ADAMTSL1: variants seen among roughly 807,000 people sequenced by gnomAD.
ADAMTSL1 encodes the protein ADAMTS like 1, also known as ADAMTS-like protein 1.
ADAMTSL1 carries 126 observed loss-of-function variants against 201.8 expected under a neutral mutation model. The observed-to-expected ratio is 0.62, with a 90% CI of 0.54 to 0.72. The LOEUF (loss-of-function observed/expected upper bound fraction) is 0.72. Among genes scored for constraint, ADAMTSL1 ranks in the 30% least tolerant of loss-of-function variants. The pLI is 0.00. For missense variants in ADAMTSL1, 2,679 were observed against 2,277.8 expected (o/e 1.18, Z -3.59); for synonymous variants, 1,121 against 903.4 (o/e 1.24, Z -4.32).
At chr9:18,256,737 G>A (rs1041631878) in intron 2 of ADAMTSL1, among the ~76,000 whole-genome samples, 6 of 152,164 alleles carry the variant, frequency 3.9e-5, no homozygotes, top group African/African-American at 1.4e-4. Flanking sequence ...TGAACCAGAT[G>A]AGCCAGCGGT....
At chr9:17,937,835 T>A (rs1827078099) in intron 1 of ADAMTSL1, among the ~76,000 whole-genome samples, 1 of 152,098 alleles carries the variant, frequency 6.6e-6, no homozygotes, top group South Asian at 2.1e-4. Context: ...AACACATGGA[T>A]CTTGAGGTTT....
At chr9:18,131,670 A>G (rs1054455725) in intron 1 of ADAMTSL1, among the ~76,000 whole-genome samples, 2 of 151,916 alleles carry the variant, frequency 1.3e-5, no homozygotes, top group African/African-American at 4.8e-5. Flanking sequence ...TCTATAGAGG[A>G]TTTGTGACCT....
intron 1 of ADAMTSL1, among the ~76,000 whole-genome samples, chr9:18,040,124 C>T (rs984318982): frequency 6.6e-6 from 1 of 152,006 alleles, no homozygotes; most frequent in African/African-American, 2.4e-5. Flanking sequence ...AAAAATAAGC[C>T]AGGTTGAGTT....
intron 3 of ADAMTSL1, among the ~76,000 whole-genome samples, chr9:18,566,152 T>G (rs1016954572): frequency 1.3e-5 from 2 of 152,170 alleles, no homozygotes; most frequent in Admixed American, 1.3e-4. Context: ...AAATTTTTTT[T>G]GAAAGAAAGA....
chr9:18,729,491 C>G (rs1194255428), intron 15 of ADAMTSL1, among the ~76,000 whole-genome samples: 1 of 152,186 alleles, frequency 6.6e-6, no homozygotes, highest in South Asian at 2.1e-4. Context: ...AAGGATGGCT[C>G]AACATTGAAA....
At chr9:18,431,654 T>G (rs754858761) in intron 2 of ADAMTSL1, among the ~76,000 whole-genome samples, 6 of 152,092 alleles carry the variant, frequency 3.9e-5, no homozygotes, top group African/African-American at 1.4e-4. Context: ...TTTCCAGAAG[T>G]CTTCACCTTC....
chr9:18,194,020 G>A (rs1247727475), intron 2 of ADAMTSL1, among the ~76,000 whole-genome samples: 6 of 152,106 alleles, frequency 3.9e-5, no homozygotes, highest in Admixed American at 3.3e-4. Flanking sequence ...GCAGAAAAGA[G>A]CTATTGAATT....
intron 20 of ADAMTSL1, among the ~76,000 whole-genome samples, chr9:18,799,842 A>AT (rs1822670245): frequency 6.6e-6 from 1 of 152,218 alleles, no homozygotes; most frequent in African/African-American, 2.4e-5. Flanking sequence ...AAAGGCAATC[A>AT]TTTTTTAAAA....
chr9:18,074,959 GAAAT>G (rs2131746712), intron 1 of ADAMTSL1, among the ~76,000 whole-genome samples: 1 of 152,246 alleles, frequency 6.6e-6, no homozygotes, highest in East Asian at 1.9e-4. Flanking sequence ...AAATTTATTG[GAAAT>G]AAATGTACAT....
At chr9:17,954,839 G>T (rs918698773) in intron 1 of ADAMTSL1, among the ~76,000 whole-genome samples, 4 of 152,108 alleles carry the variant, frequency 2.6e-5, no homozygotes, top group South Asian at 2.1e-4. Context: ...TACAGGAAAG[G>T]TTCATGTTTC....
Position 17,924,399 on chromosome 9 carries a change from T to C in ADAMTSL1, c.87+17477T>C, listed in dbSNP as rs554576930. On this transcript the variant is annotated intron_variant, in intron 1 of 29. Transcript: ENST00000680146. Reference sequence around the variant, plus strand: ...ATTTATCCATTTCGTCTAGATTTTCTAGTTTATTTGCGTAGAGGTGTTTGC... The same window carrying C: ...ATTTATCCATTTCGTCTAGATTTTCCAGTTTATTTGCGTAGAGGTGTTTGC... Among the ~76,000 whole-genome samples, 82 of 152,318 alleles carry C rather than the reference T, an allele frequency of 5.4e-4. 1 individual carries two copies. Among genetic ancestry groups the C allele is most frequent in the African/African-American group, 1.8e-3 (76 of 41,566 alleles).
intron 1 of ADAMTSL1, among the ~76,000 whole-genome samples, chr9:18,485,198 C>A (rs1203451171): frequency 2.6e-5 from 4 of 152,070 alleles, no homozygotes; most frequent in Non-Finnish European, 5.9e-5. Context: ...CGAACCGAGG[C>A]AGAGTTCATT....
At chr9:18,579,695 A>G (rs1338797457) in intron 4 of ADAMTSL1, among the ~76,000 whole-genome samples, 1 of 152,054 alleles carries the variant, frequency 6.6e-6, no homozygotes, top group Non-Finnish European at 1.5e-5. Context: ...TTAATTTCCT[A>G]TTGCAGTCAT....
At chr9:18,212,206 G>C (rs1829897090) in intron 2 of ADAMTSL1, among the ~76,000 whole-genome samples, 1 of 152,100 alleles carries the variant, frequency 6.6e-6, no homozygotes, top group Non-Finnish European at 1.5e-5. Flanking sequence ...CTTACTCCTG[G>C]TCCCCTTGAA....
At chr9:18,889,407 GAATGGTTCCCTGCGAGGAGC>G (rs1429442047) in intron 24 of ADAMTSL1, among the ~76,000 whole-genome samples, 141 bp from the exon 25 acceptor site, 1 of 152,182 alleles carries the variant, frequency 6.6e-6, no homozygotes, top group Non-Finnish European at 1.5e-5. Context: ...AATAGTTCGG[GAATGGTTCCCTGCGAGGAGC>G]AGGGCCTCAT....
chr9:18,905,713 G>C, intron 26 of ADAMTSL1, 69 bp from the exon 27 acceptor site: 1 of 1,253,794 alleles, frequency 8.0e-7, no homozygotes, highest in Non-Finnish European at 1.1e-6. Context: ...ATGCCATGCA[G>C]CCCAAGCACG....
chr9:18,491,786 T>C (rs1822283546), intron 1 of ADAMTSL1, among the ~76,000 whole-genome samples: 2 of 152,208 alleles, frequency 1.3e-5, no homozygotes, highest in African/African-American at 4.8e-5. Flanking sequence ...ATGACTGCTA[T>C]ATTTGTCTCT....
At chr9:18,263,977 A>G (rs1183409278) in intron 2 of ADAMTSL1, among the ~76,000 whole-genome samples, 1 of 152,212 alleles carries the variant, frequency 6.6e-6, no homozygotes, top group Non-Finnish European at 1.5e-5. Context: ...CAACCTCAGC[A>G]GACTAAGACA....
At chr9:18,275,008 A>T (rs1264829696) in intron 2 of ADAMTSL1, among the ~76,000 whole-genome samples, 1 of 152,114 alleles carries the variant, frequency 6.6e-6, no homozygotes, top group African/African-American at 2.4e-5. Context: ...ATGAAACCTC[A>T]TCTGGTTGCT....
Sources: allele counts gnomAD v4.1 joint callset (sites outside exome capture counted in the v4.1 genomes callset), GRCh38; gene constraint gnomAD v4.1.1; transcripts MANE v1.5; gene names NCBI Gene and HGNC (gene_info 2026-07-23, HGNC 2026-07-21).